The following TJP1 variants were observed in gnomAD, a reference collection of about 807,000 sequenced individuals.
The protein encoded by TJP1 is tight junction protein 1.
In TJP1, 43 loss-of-function variants were observed where a neutral mutation model predicts 194.2. That is an observed-to-expected ratio of 0.22 (90% confidence interval 0.17 to 0.29). The LOEUF (loss-of-function observed/expected upper bound fraction) is 0.29. TJP1 is among the 10% of genes least tolerant of loss of function. The pLI is 1.00. For synonymous variants in TJP1, 801 were observed against 779.0 expected, an observed-to-expected ratio of 1.03 and a Z score of -0.47; for missense variants, 1,971 against 2,185.7, an observed-to-expected ratio of 0.90 and a Z score of 1.96.
intron 1 of TJP1, among the ~76,000 whole-genome samples, chr15:29,814,352 T>C (rs55845402): frequency 0.08 from 12,246 of 152,252 alleles, 528 homozygotes; most frequent in African/African-American, 0.088. Flanking sequence ...CGTATAGCAG[T>C]TGAAAACTGT....
intron 1 of TJP1, among the ~76,000 whole-genome samples, chr15:29,816,517 AC>A (rs2049935977): frequency 6.6e-6 from 1 of 152,190 alleles, no homozygotes. Flanking sequence ...TGCCAAACAC[AC>A]ACAAAAATTA....
chr15:29,783,376 G>A (rs536765331), intron 2 of TJP1, among the ~76,000 whole-genome samples: 2 of 152,140 alleles, frequency 1.3e-5, no homozygotes, highest in Non-Finnish European at 2.9e-5. Flanking sequence ...AAGGCTACAG[G>A]GAAAAGGGAC....
At chr15:29,914,582 A>G (rs1468199068) in intron 2 of TJP1, among the ~76,000 whole-genome samples, 1 of 152,164 alleles carries the variant, frequency 6.6e-6, no homozygotes, top group African/African-American at 2.4e-5. Context: ...GTCATGTAGG[A>G]GCAGCCCTGT....
intron 25 of TJP1, among the ~76,000 whole-genome samples, 171 bp from the exon 26 acceptor site, chr15:29,705,916 A>T (rs1338866941): frequency 6.6e-6 from 1 of 152,136 alleles, no homozygotes; most frequent in Non-Finnish European, 1.5e-5. Context: ...ATCGCAGAGA[A>T]TATTATTTCT....
At chr15:29,770,863 AAT>A (rs1363611097) in intron 4 of TJP1, among the ~76,000 whole-genome samples, 2 of 151,948 alleles carry the variant, frequency 1.3e-5, no homozygotes, top group African/African-American at 4.8e-5. Flanking sequence ...AAATTTATAA[AAT>A]ATTAAATACA....
chr15:29,848,244 T>C (rs2051495019), intron 2 of TJP1, among the ~76,000 whole-genome samples: 3 of 152,194 alleles, frequency 2.0e-5, no homozygotes, highest in Admixed American at 6.5e-5. Context: ...GATTGTGTTG[T>C]TCAGATCTTC....
chr15:29,721,316 C>T (rs1164853128), intron 18 of TJP1, among the ~76,000 whole-genome samples: 2 of 152,006 alleles, frequency 1.3e-5, no homozygotes, highest in African/African-American at 4.8e-5. Context: ...GCACCATCTC[C>T]CTCACACAGT....
intron 2 of TJP1, among the ~76,000 whole-genome samples, chr15:29,955,081 G>GA (rs973904104): frequency 2.9e-4 from 42 of 144,264 alleles, no homozygotes; most frequent in South Asian, 2.4e-3. Flanking sequence ...CTCCATCTCA[G>GA]AAAAAAAAAA....
At chr15:29,822,490 A>G (rs1161150968), upstream of TJP1, 4 of 983,236 alleles carry the variant, frequency 4.1e-6, no homozygotes, top group Non-Finnish European at 2.4e-6. Context: ...GGCCCGGCCC[A>G]CTGAGCATGC....
At chr15:29,736,260 A>C (rs2044027561) in intron 11 of TJP1, among the ~76,000 whole-genome samples, 1 of 152,220 alleles carries the variant, frequency 6.6e-6, no homozygotes, top group African/African-American at 2.4e-5. Context: ...GAAAACAGGC[A>C]AGGGCCTCAA....
chr15:29,712,422 C>T (rs1188811347), intron 23 of TJP1, among the ~76,000 whole-genome samples: 2 of 152,012 alleles, frequency 1.3e-5, no homozygotes, highest in African/African-American at 4.8e-5. Context: ...TAGGTGATGG[C>T]AAAGCAAGCG....
At chr15:29,913,988 G>A (rs894920127) in intron 2 of TJP1, among the ~76,000 whole-genome samples, 10 of 152,262 alleles carry the variant, frequency 6.6e-5, no homozygotes, top group African/African-American at 1.9e-4. Context: ...GAGTGAGTTC[G>A]CTCTCCGGAG....
At chr15:29,816,796 T>C (rs2049955991) in intron 1 of TJP1, among the ~76,000 whole-genome samples, 2 of 152,118 alleles carry the variant, frequency 1.3e-5, no homozygotes, top group African/African-American at 4.8e-5. Context: ...GCCCACTGTA[T>C]ACACAAATTA....
chr15:29,881,049 C>T (rs78604447), intron 2 of TJP1, among the ~76,000 whole-genome samples: 14,122 of 152,230 alleles, frequency 0.093, 722 homozygotes, highest in South Asian at 0.18. Context: ...TACACTCCCA[C>T]CAACAGTGCA....
At position 29,912,695 on chromosome 15, in the gene TJP1, C is replaced by CAAAAAAAAAAAAAAAA. The variant is rs71103416; in HGVS notation, c.306+43521_306+43536dup. ...TGGGAGACAGAGCAAGACTCTGTCT[C>CAAAAAAAAAAAAAAAA]AAAAAAAAAAAAAAAAAAAAAAAAA... On this transcript the variant is annotated intron_variant, in intron 2 of 28. Transcript: ENST00000356107. 6.3e-4 allele frequency among the ~76,000 whole-genome samples: 41 copies of CAAAAAAAAAAAAAAAA among 64,960 alleles called. 3 individuals are homozygous for CAAAAAAAAAAAAAAAA. Among genetic ancestry groups the CAAAAAAAAAAAAAAAA allele is most frequent in the African/African-American group, 2.1e-3 (24 of 11,452 alleles). 42.6% of individuals were successfully genotyped at this position (64,960 alleles called of 152,430 possible).
At chr15:29,911,920 T>C (rs59841592) in intron 2 of TJP1, among the ~76,000 whole-genome samples, 9,192 of 152,274 alleles carry the variant, frequency 0.06, 310 homozygotes, top group South Asian at 0.11. Context: ...TAAGGCATGA[T>C]TTGGATTCTT....
Position 29,821,990 on chromosome 15 carries a change from G to A in TJP1, c.27+12C>T, listed in dbSNP as rs2050408751. 1.5e-6 allele frequency: 2 copies of A among 1,317,274 alleles called. No individual in the cohort carries two copies. The highest frequency in any genetic ancestry group is 1.9e-6 in the Non-Finnish European group (2 of 1,032,376). The allele number at this position is 1,317,274 out of a possible 1,614,324, so 81.6% of individuals were successfully genotyped here. ...GGCCCGGTCTGGCCCTGGCGGCCGC[G>A]GAGGCGCTCACCTTGGCGGCCGCAG... On this transcript the variant is annotated intron_variant, in intron 1 of 27. Coordinates refer to ENST00000614355, the MANE Select transcript of TJP1 (RefSeq NM_001330239.4).
chr15:29,821,765 GCCGGGCGCCCGCAGCCCCCTCC>G (rs1215105489), intron 1 of TJP1, among the ~76,000 whole-genome samples: 4 of 150,790 alleles, frequency 2.7e-5, no homozygotes, highest in East Asian at 2.0e-4. Flanking sequence ...CAGTACGGCG[GCCGGGCGCCCGCAGCCCCCTCC>G]CCGGCCGCCC....
intron 2 of TJP1, among the ~76,000 whole-genome samples, chr15:29,941,947 G>A (rs957383667): frequency 1.3e-5 from 2 of 152,136 alleles, no homozygotes; most frequent in African/African-American, 4.8e-5. Flanking sequence ...GGAGGGAAGC[G>A]ACTGGAGAAA....
Sources: gnomAD v4.1 joint callset for allele counts (sites outside exome capture counted in the v4.1 genomes callset) on GRCh38, gnomAD v4.1.1 for gene constraint, MANE v1.5 for transcripts, NCBI Gene and HGNC (gene_info 2026-07-23, HGNC 2026-07-21) for gene names.